Variants in SLC22A3 observed in about 807,000 individuals in gnomAD.
SLC22A3 encodes solute carrier family 22 member 3.
SLC22A3 carries 51 observed loss-of-function variants against 59.1 expected under a neutral mutation model. The ratio of observed to expected loss-of-function variants is 0.86; its 90% CI spans 0.69 to 1.09. The LOEUF (loss-of-function observed/expected upper bound fraction) is 1.09. Among genes scored for constraint, SLC22A3 ranks in the 50% least tolerant of loss-of-function variants. The pLI is 0.00. For missense variants in SLC22A3, 711 were observed against 726.3 expected, an observed-to-expected ratio of 0.98 and a Z score of 0.24; for synonymous variants, 325 against 292.0, an observed-to-expected ratio of 1.11 and a Z score of -1.15.
intron 5 of SLC22A3, among the ~76,000 whole-genome samples, chr6:160,419,167 A>T (rs1005871311): frequency 1.3e-5 from 2 of 152,012 alleles, no homozygotes; most frequent in Non-Finnish European, 2.9e-5. Flanking sequence ...TGTCTTACTG[A>T]TTTTTTTTAT....
intron 1 of SLC22A3, among the ~76,000 whole-genome samples, chr6:160,373,584 A>G (rs1404195937): frequency 1.3e-5 from 2 of 152,142 alleles, no homozygotes; most frequent in Admixed American, 6.5e-5. Flanking sequence ...AGGAACGTTT[A>G]AGTCTACTGA....
At chr6:160,361,687 T>A (rs77762726) in intron 1 of SLC22A3, among the ~76,000 whole-genome samples, 2,294 of 152,326 alleles carry the variant, frequency 0.015, 51 homozygotes, top group African/African-American at 0.053. Context: ...GTCCAGAATC[T>A]GGAGCTGCAG....
intron 7 of SLC22A3, among the ~76,000 whole-genome samples, chr6:160,438,457 T>C (rs930916084): frequency 6.6e-6 from 1 of 152,122 alleles, no homozygotes; most frequent in Non-Finnish European, 1.5e-5. Flanking sequence ...ATGGACAATA[T>C]AGTGGGAGTC....
chr6:160,409,026 T>G (rs2114856490), intron 4 of SLC22A3, 105 bp downstream of exon 4: 1 of 1,025,562 alleles, frequency 9.8e-7, no homozygotes, highest in East Asian at 2.6e-5. Flanking sequence ...TTTTTTTTTT[T>G]TTTTTTTATT....
intron 9 of SLC22A3, 52 bp from the exon 10 acceptor site, chr6:160,447,667 A>G: frequency 6.7e-7 from 1 of 1,496,328 alleles, no homozygotes; most frequent in Non-Finnish European, 9.3e-7. Flanking sequence ...CCCATGGGAG[A>G]GGGCCCAGCT....
At chr6:160,406,907 C>T in intron 2 of SLC22A3, 134 bp from the exon 3 acceptor site, 1 of 1,113,610 alleles carries the variant, frequency 9.0e-7, no homozygotes, top group Non-Finnish European at 1.2e-6. Flanking sequence ...CCTGTCTCTA[C>T]AAAACATCTT....
At chr6:160,349,135 G>C (rs1006584409) in intron 1 of SLC22A3, 1 of 912,746 alleles carries the variant, frequency 1.1e-6, no homozygotes. Flanking sequence ...AACGCCTGGC[G>C]CACGCCTGCT....
rs1240383669 is a variant in SLC22A3, at chr6:160,370,211, G to C, written c.429+21363G>C. 2.6e-5 allele frequency among the ~76,000 whole-genome samples: 4 copies of C among 152,206 alleles called. No homozygotes were observed. In the East Asian group the frequency reaches 5.8e-4, roughly 22 times the overall value. On this transcript the variant is annotated intron_variant, in intron 1 of 10. Coordinates refer to ENST00000275300, the MANE Select transcript of SLC22A3 (RefSeq NM_021977.4). ...GCTGTATTCTGTCAGTTCCAGGAGAGTCACAAGCCCTTCCTGGATTCAAGG... is the reference window on the plus strand; with the variant it reads ...GCTGTATTCTGTCAGTTCCAGGAGACTCACAAGCCCTTCCTGGATTCAAGG...
At chr6:160,356,338 G>T (rs959740488) in intron 1 of SLC22A3, among the ~76,000 whole-genome samples, 15 of 152,348 alleles carry the variant, frequency 9.8e-5, no homozygotes, top group African/African-American at 3.1e-4. Context: ...TGCTCATGGG[G>T]TCTGTGTCCG....
At chr6:160,394,637 A>C (rs1354888938) in intron 1 of SLC22A3, among the ~76,000 whole-genome samples, 1 of 152,238 alleles carries the variant, frequency 6.6e-6, no homozygotes, top group Non-Finnish European at 1.5e-5. Flanking sequence ...GAAAGATGGC[A>C]AGATCCCAGT....
At chr6:160,391,200 G>C (rs1472087718) in intron 1 of SLC22A3, among the ~76,000 whole-genome samples, 1 of 152,104 alleles carries the variant, frequency 6.6e-6, no homozygotes, top group East Asian at 1.9e-4. Context: ...GAGGGAGGGG[G>C]GAAGCCAGTC....
chr6:160,362,869 A>G (rs761405918), intron 1 of SLC22A3, among the ~76,000 whole-genome samples: 1 of 152,200 alleles, frequency 6.6e-6, no homozygotes, highest in African/African-American at 2.4e-5. Context: ...CAGAGCTCCA[A>G]CAGGGCTGGG....
intron 5 of SLC22A3, among the ~76,000 whole-genome samples, chr6:160,416,864 C>A (rs1672774992): frequency 6.6e-6 from 1 of 152,226 alleles, no homozygotes; most frequent in Admixed American, 6.5e-5. Flanking sequence ...ATGGCCATTG[C>A]CCCAGGTACT....
intron 1 of SLC22A3, among the ~76,000 whole-genome samples, chr6:160,349,845 G>T (rs1784601871): frequency 6.6e-6 from 1 of 152,146 alleles, no homozygotes; most frequent in Non-Finnish European, 1.5e-5. Flanking sequence ...AAAAAAGATT[G>T]AATGTGATCA....
intron 1 of SLC22A3, among the ~76,000 whole-genome samples, chr6:160,386,374 C>T (rs1371610465): frequency 6.6e-6 from 1 of 152,138 alleles, no homozygotes; most frequent in Admixed American, 6.5e-5. Context: ...TGACTTTGTC[C>T]CCAATTGCAT....
intron 2 of SLC22A3, 38 bp from the exon 3 acceptor site, chr6:160,407,003 T>C (rs1162638737): frequency 1.2e-6 from 2 of 1,610,782 alleles, no homozygotes; most frequent in South Asian, 2.2e-5. Context: ...TTGAAGAAAA[T>C]GTTTAAGGTG....
chr6:160,383,911 T>C (rs1359763347), intron 1 of SLC22A3, among the ~76,000 whole-genome samples: 1 of 152,210 alleles, frequency 6.6e-6, no homozygotes, highest in Non-Finnish European at 1.5e-5. Context: ...AGGATATTCA[T>C]AGGTTATATG....
At chr6:160,374,421 G>A (rs1056172047) in intron 1 of SLC22A3, among the ~76,000 whole-genome samples, 5 of 151,974 alleles carry the variant, frequency 3.3e-5, no homozygotes, top group Admixed American at 1.3e-4. Flanking sequence ...CCACCTCGCC[G>A]GGAGCTGCAG....
chr6:160,384,073 G>A (rs1477206233), intron 1 of SLC22A3, among the ~76,000 whole-genome samples: 2 of 152,108 alleles, frequency 1.3e-5, no homozygotes, highest in Admixed American at 6.6e-5. Context: ...GGGATTACAG[G>A]CGCACACCAC....
Sources: gnomAD v4.1 joint callset for allele counts (sites outside exome capture counted in the v4.1 genomes callset) on GRCh38, gnomAD v4.1.1 for gene constraint, MANE v1.5 for transcripts, NCBI Gene and HGNC (gene_info 2026-07-23, HGNC 2026-07-21) for gene names.